PARD3B: variants seen among roughly 807,000 people sequenced by gnomAD.
PARD3B encodes the protein par-3 family cell polarity regulator beta.
PARD3B carries 103 observed loss-of-function variants against 130.2 expected under a neutral mutation model. That is an observed-to-expected ratio of 0.79 (90% confidence interval 0.67 to 0.93). PARD3B has a LOEUF of 0.93. Among genes scored for constraint, PARD3B ranks in the 40% least tolerant of loss-of-function variants. The pLI, the probability that PARD3B is intolerant of heterozygous loss-of-function variation, is 0.00. For missense variants in PARD3B, 1,609 were observed against 1,499.2 expected (o/e 1.07, Z -1.21); for synonymous variants, 583 against 553.2 (o/e 1.05, Z -0.76).
chr2:205,605,404 T>C (rs1575468925), intron 22 of PARD3B, among the ~76,000 whole-genome samples: 1 of 152,022 alleles, frequency 6.6e-6, no homozygotes, highest in South Asian at 2.1e-4. Context: ...TTTTATGGGG[T>C]TTTTTGTTGG....
At chr2:205,354,020 CTTTTCCTTTTTTTTT>C (rs929536853) in intron 18 of PARD3B, among the ~76,000 whole-genome samples, 2 of 114,590 alleles carry the variant, frequency 1.7e-5, no homozygotes, top group Non-Finnish European at 1.7e-5. Flanking sequence ...TTTTTCTTTT[CTTTTCCTTTTTTTTT>C]TTTTTTTTTT....
chr2:205,186,394 A>T (rs910177108), intron 14 of PARD3B, among the ~76,000 whole-genome samples: 1 of 152,218 alleles, frequency 6.6e-6, no homozygotes, highest in Admixed American at 6.5e-5. Context: ...GAATCACACA[A>T]GAATGAGAGA....
At chr2:205,442,239 C>T (rs1575033627) in intron 20 of PARD3B, among the ~76,000 whole-genome samples, 1 of 147,490 alleles carries the variant, frequency 6.8e-6, no homozygotes, top group Non-Finnish European at 1.5e-5. Flanking sequence ...AAGTCCAATA[C>T]ATATGGGGAA....
intron 22 of PARD3B, among the ~76,000 whole-genome samples, chr2:205,607,762 A>G (rs954481495): frequency 1.3e-5 from 2 of 151,200 alleles, no homozygotes; most frequent in Admixed American, 6.6e-5. Flanking sequence ...GAGTAAGACA[A>G]TTGCCGTGGC....
chr2:204,929,126 G>A (rs1026644217), intron 2 of PARD3B, among the ~76,000 whole-genome samples: 3 of 151,430 alleles, frequency 2.0e-5, no homozygotes, highest in Non-Finnish European at 4.4e-5. Flanking sequence ...CAGCATTCCA[G>A]AACTTAACCA....
chr2:205,043,957 TC>T (rs1486925817), intron 3 of PARD3B, among the ~76,000 whole-genome samples: 116 of 47,468 alleles, frequency 2.4e-3, no homozygotes, highest in African/African-American at 9.1e-3. Flanking sequence ...CCCTCCCCCC[TC>T]CCCCCAACCC....
Position 205,244,675 on chromosome 2 carries a change from A to AT in PARD3B, c.2141-1093dup, listed in dbSNP as rs199678635. On this transcript the variant is annotated intron_variant, in intron 15 of 22. Transcript: ENST00000406610. This position sits in a 1 kb window ranked among gnomAD's most constrained non-coding sequence, Gnocchi z 4.7. Reference sequence around the variant, plus strand: ...GTGGGAAAGTTTTACTTATAAACACATTTTTTTTTTCAAAAAACTACTATA... The same window carrying AT: ...GTGGGAAAGTTTTACTTATAAACACATTTTTTTTTTTCAAAAAACTACTATA... 6.7e-3 allele frequency among the ~76,000 whole-genome samples: 993 copies of AT among 149,070 alleles called. 11 individuals carry two copies. Among genetic ancestry groups the AT allele is most frequent in the African/African-American group, 0.023 (916 of 40,634 alleles).
chr2:205,411,780 G>A (rs947026133), intron 19 of PARD3B, among the ~76,000 whole-genome samples: 9 of 151,992 alleles, frequency 5.9e-5, no homozygotes, highest in Admixed American at 5.2e-4. Flanking sequence ...ATTGATCGCC[G>A]GTTGGAAGTT....
intron 10 of PARD3B, among the ~76,000 whole-genome samples, chr2:205,127,117 G>A (rs2031518431): frequency 6.6e-6 from 1 of 151,826 alleles, no homozygotes. Flanking sequence ...CCAGTATGGT[G>A]AAACCCCGTC....
chr2:205,248,335 C>A (rs1352254949), intron 16 of PARD3B, among the ~76,000 whole-genome samples: 1 of 149,678 alleles, frequency 6.7e-6, no homozygotes, highest in African/African-American at 2.5e-5. Flanking sequence ...AAACATAGCT[C>A]CCCTCTGTGC....
intron 21 of PARD3B, among the ~76,000 whole-genome samples, chr2:205,546,914 A>G (rs1265853076): frequency 3.9e-5 from 6 of 152,218 alleles, no homozygotes; most frequent in Non-Finnish European, 7.3e-5. Flanking sequence ...TAATAAACAG[A>G]TGAGAAAACA....
intron 18 of PARD3B, among the ~76,000 whole-genome samples, chr2:205,330,369 T>G (rs1365777437): frequency 2.0e-5 from 3 of 152,094 alleles, no homozygotes; most frequent in African/African-American, 7.2e-5. Context: ...ATATAAAAAT[T>G]TTATGAAAAT....
intron 4 of PARD3B, among the ~76,000 whole-genome samples, chr2:205,080,466 G>A (rs947366603): frequency 5.3e-5 from 8 of 151,928 alleles, no homozygotes; most frequent in African/African-American, 1.9e-4. Context: ...GATATGAAAA[G>A]GGAAAAAATA....
At chr2:204,765,910 T>C (rs1036129309) in intron 2 of PARD3B, among the ~76,000 whole-genome samples, 2 of 152,160 alleles carry the variant, frequency 1.3e-5, no homozygotes, top group Non-Finnish European at 2.9e-5. Flanking sequence ...CTTGCCTAGC[T>C]AGTGCAGTTA....
chr2:205,044,041 G>C (rs1698580468), intron 3 of PARD3B, among the ~76,000 whole-genome samples: 1 of 149,592 alleles, frequency 6.7e-6, no homozygotes, highest in African/African-American at 2.5e-5. Context: ...CCACCTATGA[G>C]TGAGAATATG....
intron 20 of PARD3B, among the ~76,000 whole-genome samples, chr2:205,475,790 G>C (rs1009378741): frequency 6.6e-6 from 1 of 152,188 alleles, no homozygotes; most frequent in African/African-American, 2.4e-5. Context: ...CATACTGTTT[G>C]CTTCTGCAAA....
chr2:205,295,144 G>A (rs1162409402), intron 16 of PARD3B, among the ~76,000 whole-genome samples: 1 of 152,158 alleles, frequency 6.6e-6, no homozygotes, highest in East Asian at 1.9e-4. Context: ...AGTGAAATAT[G>A]TGGGAGAATA....
chr2:205,603,086 C>T (rs1449860122), intron 22 of PARD3B, among the ~76,000 whole-genome samples: 1 of 152,170 alleles, frequency 6.6e-6, no homozygotes, highest in Admixed American at 6.5e-5. Flanking sequence ...TTTCAAAGAA[C>T]TTCTTGATTT....
chr2:205,099,935 A>AAAG (rs1702641237), intron 4 of PARD3B, among the ~76,000 whole-genome samples: 1 of 152,150 alleles, frequency 6.6e-6, no homozygotes, highest in Admixed American at 6.5e-5. Context: ...TATTCTTTTT[A>AAAG]AAGTCTGTAG....
Sources: allele counts gnomAD v4.1 joint callset (sites outside exome capture counted in the v4.1 genomes callset), GRCh38; gene constraint gnomAD v4.1.1; non-coding constraint Gnocchi (gnomAD v3.1); transcripts MANE v1.5; gene names NCBI Gene and HGNC (gene_info 2026-07-23, HGNC 2026-07-21).